LDLRAD3: variants seen among roughly 807,000 people sequenced by gnomAD.
LDLRAD3 encodes the protein low-density lipoprotein receptor class A domain-containing protein 3.
A neutral mutation model predicts 29.4 loss-of-function variants in LDLRAD3; 20 were observed. That is an observed-to-expected ratio of 0.68 (90% CI 0.48 to 0.99). LDLRAD3 has a LOEUF of 0.99. LDLRAD3 is among the 50% of genes least tolerant of loss of function. LDLRAD3 has a pLI of 0.00. For missense variants in LDLRAD3, 420 were observed against 454.3 expected (o/e 0.92, Z 0.69); for synonymous variants, 157 against 192.7 (o/e 0.81, Z 1.53).
At chr11:35,991,588 A>G (rs1851690131) in intron 1 of LDLRAD3, among the ~76,000 whole-genome samples, 1 of 152,138 alleles carries the variant, frequency 6.6e-6, no homozygotes, top group African/African-American at 2.4e-5. Flanking sequence ...CTTTTCTCCA[A>G]TGGCGACAGC....
At chr11:36,224,289 A>G (rs1213761279) in intron 4 of LDLRAD3, among the ~76,000 whole-genome samples, 2 of 152,046 alleles carry the variant, frequency 1.3e-5, no homozygotes, top group Non-Finnish European at 2.9e-5. Flanking sequence ...GAGGAGGGTG[A>G]GGCTTCTAAG....
At chr11:36,000,169 C>G (rs1011372811) in intron 1 of LDLRAD3, among the ~76,000 whole-genome samples, 3 of 151,686 alleles carry the variant, frequency 2.0e-5, no homozygotes, top group African/African-American at 7.3e-5. Context: ...TAAAAGCACA[C>G]AAAACTCTGT....
chr11:35,967,469 G>A (rs565942130), intron 1 of LDLRAD3: 73 of 345,484 alleles, frequency 2.1e-4, no homozygotes, highest in Admixed American at 4.5e-4. Context: ...GTCTGCTTTG[G>A]GAAGGTACTA....
chr11:35,990,296 T>G (rs1286221089), intron 1 of LDLRAD3, among the ~76,000 whole-genome samples: 1 of 152,186 alleles, frequency 6.6e-6, no homozygotes. Context: ...AAGGTGTTTG[T>G]AGGGCTGGTT....
At chr11:36,022,556 A>C (rs7927259) in intron 1 of LDLRAD3, among the ~76,000 whole-genome samples, 15,384 of 152,106 alleles carry the variant, frequency 0.1, 905 homozygotes, top group African/African-American at 0.16. Flanking sequence ...ACCCAGGGAG[A>C]CTGTCAAGTT....
intron 1 of LDLRAD3, among the ~76,000 whole-genome samples, chr11:36,034,839 G>A (rs1027783657): frequency 3.3e-5 from 5 of 152,342 alleles, no homozygotes; most frequent in African/African-American, 9.6e-5. Context: ...CCAGCAGGCC[G>A]AAGGGCATCC....
At chr11:36,198,160 A>G (rs557257389) in intron 4 of LDLRAD3, among the ~76,000 whole-genome samples, 1 of 152,264 alleles carries the variant, frequency 6.6e-6, no homozygotes, top group African/African-American at 2.4e-5. Flanking sequence ...GGGATCTGTC[A>G]TAAGCATGAA....
chr11:36,141,709 C>A (rs1854089456), intron 4 of LDLRAD3, among the ~76,000 whole-genome samples: 1 of 152,148 alleles, frequency 6.6e-6, no homozygotes, highest in African/African-American at 2.4e-5. Context: ...TAAGTAGTTT[C>A]TATGGCAACA....
intron 2 of LDLRAD3, among the ~76,000 whole-genome samples, chr11:36,081,082 A>T (rs1853106312): frequency 6.6e-6 from 1 of 152,190 alleles, no homozygotes; most frequent in South Asian, 2.1e-4. Context: ...AAGTCTCCCA[A>T]AATCCAAGTT....
intron 1 of LDLRAD3, among the ~76,000 whole-genome samples, chr11:35,969,221 C>G (rs1284116372): frequency 6.6e-6 from 1 of 152,228 alleles, no homozygotes; most frequent in African/African-American, 2.4e-5. Flanking sequence ...TCTGCTCACG[C>G]TGGTGTGAAC....
intron 2 of LDLRAD3, among the ~76,000 whole-genome samples, chr11:36,046,897 A>G (rs1852458103): frequency 1.3e-5 from 2 of 152,194 alleles, no homozygotes; most frequent in Admixed American, 1.3e-4. Flanking sequence ...GAAAATAAAT[A>G]AATATATATA....
chr11:35,993,073 A>G (rs920077721), intron 1 of LDLRAD3, among the ~76,000 whole-genome samples: 1 of 152,210 alleles, frequency 6.6e-6, no homozygotes, highest in Non-Finnish European at 1.5e-5. Flanking sequence ...GATTTAAAAA[A>G]TGGCGTCCCA....
At chr11:35,978,584 C>T (rs970468250) in intron 1 of LDLRAD3, among the ~76,000 whole-genome samples, 3 of 152,202 alleles carry the variant, frequency 2.0e-5, no homozygotes, top group Admixed American at 6.5e-5. Flanking sequence ...GTACCCCAGA[C>T]CTGAAGGCCC....
chr11:36,043,797 C>A (rs1490893422), intron 2 of LDLRAD3, among the ~76,000 whole-genome samples: 1 of 152,128 alleles, frequency 6.6e-6, no homozygotes, highest in Admixed American at 6.5e-5. Context: ...ATTCCAAGGG[C>A]CTTCTGAAGG....
chr11:36,083,767 C>T (rs964714191), intron 3 of LDLRAD3, among the ~76,000 whole-genome samples: 3 of 132,144 alleles, frequency 2.3e-5, no homozygotes, highest in African/African-American at 7.6e-5. Flanking sequence ...CACACACACA[C>T]ACACACACAC....
At chr11:36,042,949 T>C (rs1852401074) in intron 2 of LDLRAD3, among the ~76,000 whole-genome samples, 1 of 152,132 alleles carries the variant, frequency 6.6e-6, no homozygotes, top group Non-Finnish European at 1.5e-5. Context: ...GTCCAATTTG[T>C]GGTACTTGGT....
intron 4 of LDLRAD3, among the ~76,000 whole-genome samples, chr11:36,211,281 A>G (rs906394800): frequency 6.6e-6 from 1 of 152,216 alleles, no homozygotes; most frequent in Non-Finnish European, 1.5e-5. Context: ...GAGCTAGAAC[A>G]CAGGATGCTA....
At position 36,213,456 on chromosome 11, in the gene LDLRAD3, G is replaced by A. The variant is rs1260883091; in HGVS notation, c.455-13629G>A. 6.6e-6 allele frequency among the ~76,000 whole-genome samples: 1 copy of A among 152,228 alleles called. No individual in the cohort carries two copies. Among genetic ancestry groups the A allele is most frequent in the Non-Finnish European group, 1.5e-5 (1 of 68,040 alleles). ...GGGATGGGTGATGTGCTTGGAATAG[G>A]GATCCGCAAAGGCGCTCCAGCCCCA... On this transcript the variant is annotated intron_variant, in intron 4 of 5. Transcript: ENST00000315571. The surrounding 1 kb of genome is among the most constrained non-coding windows in gnomAD (Gnocchi z 4.1).
chr11:36,138,166 G>C (rs1381962229), intron 4 of LDLRAD3, among the ~76,000 whole-genome samples: 1 of 152,204 alleles, frequency 6.6e-6, no homozygotes, highest in South Asian at 2.1e-4. Context: ...AAGAACATGG[G>C]CTCTGGATTC....
Sources: gnomAD v4.1 joint callset for allele counts (sites outside exome capture counted in the v4.1 genomes callset) on GRCh38, gnomAD v4.1.1 for gene constraint, Gnocchi (gnomAD v3.1) non-coding constraint, MANE v1.5 for transcripts, NCBI Gene and HGNC (gene_info 2026-07-23, HGNC 2026-07-21) for gene names.